Variants in CPAMD8 observed in about 807,000 individuals in gnomAD.
CPAMD8 encodes C3 and PZP like alpha-2-macroglobulin domain containing 8, also known as C3 and PZP-like alpha-2-macroglobulin domain-containing protein 8.
A neutral mutation model predicts 224.7 loss-of-function variants in CPAMD8; 146 were observed. That is an observed-to-expected ratio of 0.65 (90% CI 0.57 to 0.75). The LOEUF (loss-of-function observed/expected upper bound fraction) is 0.75. Ranked by LOEUF, CPAMD8 falls within the 30% of genes least tolerant of loss-of-function variation. The pLI is 0.00. For synonymous variants in CPAMD8, 966 were observed against 1,044.6 expected (o/e 0.92, Z 1.45); for missense variants, 2,301 against 2,537.5 (o/e 0.91, Z 2.00).
At chr19:16,921,682 ACAG>A (rs72212820) in intron 27 of CPAMD8, among the ~76,000 whole-genome samples, 80,356 of 151,684 alleles carry the variant, frequency 0.53, 22,213 homozygotes, top group Middle Eastern at 0.63. Flanking sequence ...CACTGTGGTA[ACAG>A]CAGCAGAAAC....
At chr19:16,896,759 G>A (rs1470938202) in intron 39 of CPAMD8, 94 bp from the exon 40 acceptor site, 4 of 891,768 alleles carry the variant, frequency 4.5e-6, no homozygotes, top group African/African-American at 1.8e-5. Flanking sequence ...CCTGGGTCCC[G>A]GGCCCACTAC....
At chr19:16,961,256 C>G (rs1356439050) in intron 18 of CPAMD8, among the ~76,000 whole-genome samples, 1 of 152,218 alleles carries the variant, frequency 6.6e-6, no homozygotes, top group East Asian at 1.9e-4. Context: ...TTTCCCTTTC[C>G]TAGCCAAGGG....
intron 20 of CPAMD8, among the ~76,000 whole-genome samples, chr19:16,947,793 T>C (rs1464444799): frequency 6.6e-6 from 1 of 152,116 alleles, no homozygotes; most frequent in Non-Finnish European, 1.5e-5. Context: ...TGTACACACA[T>C]GTGCATCTAC....
At chr19:16,948,533 G>A (rs2054179826) in intron 20 of CPAMD8, among the ~76,000 whole-genome samples, 1 of 151,964 alleles carries the variant, frequency 6.6e-6, no homozygotes, top group South Asian at 2.1e-4. Flanking sequence ...GATCACCTGA[G>A]GTCAGGAGTT....
intron 1 of CPAMD8, among the ~76,000 whole-genome samples, chr19:17,022,783 T>C (rs562776448): frequency 1.1e-4 from 17 of 152,128 alleles, no homozygotes; most frequent in African/African-American, 4.1e-4. Context: ...AGAGGTGTGA[T>C]CCACCACGCC....
chr19:16,896,724 A>AGAACCTGGGGGTGGGGAAGAT (rs2052014105), intron 39 of CPAMD8, 59 bp from the exon 40 acceptor site: 13 of 1,220,794 alleles, frequency 1.1e-5, no homozygotes, highest in East Asian at 9.4e-5. Context: ...GCGCCCCCAC[A>AGAACCTGGGGGTGGGGAAGAT]GAACCTGGGG....
chr19:16,968,730 C>A (rs2054945685), intron 18 of CPAMD8, among the ~76,000 whole-genome samples: 1 of 152,174 alleles, frequency 6.6e-6, no homozygotes, highest in Non-Finnish European at 1.5e-5. Flanking sequence ...CCTCAACCTT[C>A]CCAGGCTCAA....
chr19:16,909,248 T>A (rs567810931), intron 29 of CPAMD8, among the ~76,000 whole-genome samples: 1 of 152,246 alleles, frequency 6.6e-6, no homozygotes, highest in African/African-American at 2.4e-5. Flanking sequence ...CAAATATCTT[T>A]AAAAAATTTT....
At chr19:16,905,496 C>A (rs1277055759) in intron 30 of CPAMD8, among the ~76,000 whole-genome samples, 1 of 133,532 alleles carries the variant, frequency 7.5e-6, no homozygotes, top group East Asian at 2.1e-4. Flanking sequence ...TAGGAGATCA[C>A]GCCATTGCAC....
intron 18 of CPAMD8, among the ~76,000 whole-genome samples, chr19:16,968,490 A>C (rs1213427477): frequency 6.6e-6 from 1 of 152,180 alleles, no homozygotes; most frequent in African/African-American, 2.4e-5. Flanking sequence ...CAGGTCATAC[A>C]TCAAAATGGG....
At chr19:16,958,086 A>C (rs1420423078) in intron 18 of CPAMD8, among the ~76,000 whole-genome samples, 171 bp from the exon 19 acceptor site, 2 of 151,940 alleles carry the variant, frequency 1.3e-5, no homozygotes, top group Non-Finnish European at 2.9e-5. Context: ...CTTACCTGGC[A>C]GGGTTAACAG....
At chr19:16,913,711 G>A (rs2052815743) in intron 29 of CPAMD8, among the ~76,000 whole-genome samples, 1 of 152,136 alleles carries the variant, frequency 6.6e-6, no homozygotes, top group African/African-American at 2.4e-5. Flanking sequence ...GGGGCCCTCT[G>A]GACATTGTGC....
At chr19:16,940,635 CAGG>C (rs1297119740) in intron 22 of CPAMD8, among the ~76,000 whole-genome samples, 9 of 152,164 alleles carry the variant, frequency 5.9e-5, no homozygotes, top group Non-Finnish European at 2.9e-5. Context: ...CTGATGAGTC[CAGG>C]AGATGCTTGT....
intron 23 of CPAMD8, among the ~76,000 whole-genome samples, 167 bp downstream of exon 23, chr19:16,938,228 C>T (rs554535510): frequency 1.3e-5 from 2 of 152,296 alleles, no homozygotes; most frequent in African/African-American, 4.8e-5. Context: ...TCTGCCTGTC[C>T]CCAGCTGGGA....
At chr19:17,007,093 C>T (rs998988640) in intron 7 of CPAMD8, among the ~76,000 whole-genome samples, 3 of 151,882 alleles carry the variant, frequency 2.0e-5, no homozygotes, top group African/African-American at 7.3e-5. Context: ...AGCACTTTTC[C>T]GAGGCCGAGG....
In CPAMD8 at chr19:16,914,451, A is replaced by G; in HGVS notation, c.3834T>C (p.Ala1278=). Residue 1278 remains alanine, a synonymous_variant, in exon 29 of 42, where the codon GCT becomes GCC. Transcript: ENST00000443236. ...TVPLTAYVVV[A]LLETGTASEE... ...CTGAGGCTGTGCCTGTTTCCAGGAG[A>G]GCAACCACCACGTAGGCTGTCAGCG... 6.2e-7 allele frequency: 1 copy of G among 1,613,940 alleles called. No individual in the cohort carries two copies. The highest frequency in any genetic ancestry group is 1.1e-5 in the South Asian group (1 of 91,064).
rs769956047 is a variant in CPAMD8 at position 17,004,743 on chromosome 19, G to A, written c.560-357C>T. ...CGCCACCCGAGTCATTTCCAGCCTG[G>A]GCACTACTGACACCTGGGGCCACGT... On this transcript the variant is annotated intron_variant, in intron 7 of 41. Coordinates refer to ENST00000443236, the MANE Select transcript of CPAMD8 (RefSeq NM_015692.5). Among the ~76,000 whole-genome samples, 4 of 152,138 alleles carry A rather than the reference G, an allele frequency of 2.6e-5. No individual in the cohort carries two copies. The East Asian group carries it at 7.7e-4, about 29-fold the overall frequency.
rs1449377203 is a variant in CPAMD8 at position 16,975,234 on chromosome 19, C to A, written c.1933G>T (p.Asp645Tyr). 6.2e-7 allele frequency: 1 copy of A among 1,606,554 alleles called. No homozygotes were observed. The highest frequency in any genetic ancestry group is 1.3e-5 in the African/African-American group (1 of 74,824). The stretch of plus-strand genomic sequence containing the variant: ...GACACGCCAAAGGAATCAGAAACAT[C>A]ATAATCTTCCAGTTCCTGGAAAACC... ...AQVFQELEDY[D>Y]VSDSFGVSRE... Residue 645 changes from aspartate to tyrosine, a missense_variant, in exon 17 of 42, where the codon GAT (aspartate) becomes TAT (tyrosine). By Grantham distance (160) the Asp-to-Tyr change is radical (BLOSUM62 -3). This residue lies in a region of CPAMD8 where 1,709 missense variants were observed against 1,753.2 expected (regional missense o/e 0.97). Coordinates refer to ENST00000443236, the MANE Select transcript of CPAMD8 (RefSeq NM_015692.5).
chr19:16,964,247 A>G (rs2054749056), intron 18 of CPAMD8, among the ~76,000 whole-genome samples: 1 of 152,222 alleles, frequency 6.6e-6, no homozygotes, highest in Non-Finnish European at 1.5e-5. Context: ...CAATGAATCC[A>G]GGAGCTGGTT....
Sources: allele counts gnomAD v4.1 joint callset (sites outside exome capture counted in the v4.1 genomes callset), GRCh38; gene constraint gnomAD v4.1.1; regional missense constraint gnomAD v4.1.1; transcripts MANE v1.5; gene names NCBI Gene and HGNC (gene_info 2026-07-23, HGNC 2026-07-21).